The following ARHGEF28 variants were observed in gnomAD, a reference collection of about 807,000 sequenced individuals.
ARHGEF28 encodes the protein Rho guanine nucleotide exchange factor 28.
In ARHGEF28, 152 loss-of-function variants were observed where a neutral mutation model predicts 206.6. That is an observed-to-expected ratio of 0.74 (90% CI 0.64 to 0.84). ARHGEF28 has a LOEUF of 0.84. Among genes scored for constraint, ARHGEF28 ranks in the 40% least tolerant of loss-of-function variants. The probability of loss-of-function intolerance (pLI) is 0.00; values close to 1 mark genes in which losing one functional copy is unlikely to be tolerated. For synonymous variants in ARHGEF28, 763 were observed against 776.4 expected (o/e 0.98, Z 0.29); for missense variants, 2,028 against 2,073.2 (o/e 0.98, Z 0.42).
intron 1 of ARHGEF28, among the ~76,000 whole-genome samples, chr5:73,640,210 C>G (rs963620602): frequency 6.6e-6 from 1 of 152,200 alleles, no homozygotes; most frequent in Non-Finnish European, 1.5e-5. Flanking sequence ...TTGAAGGGAT[C>G]AGACAGGTAC....
intron 35 of ARHGEF28, among the ~76,000 whole-genome samples, chr5:73,929,563 C>T (rs2112014739): frequency 6.6e-6 from 1 of 152,244 alleles, no homozygotes. Context: ...TAGTTTAATA[C>T]ATTCTTTAAT....
chr5:73,889,199 T>G (rs1183070869), intron 26 of ARHGEF28, among the ~76,000 whole-genome samples: 1 of 152,226 alleles, frequency 6.6e-6, no homozygotes, highest in Non-Finnish European at 1.5e-5. Flanking sequence ...TTCCTCAAGC[T>G]AGTACAAGTG....
chr5:73,693,190 C>T (rs989042995), intron 2 of ARHGEF28, among the ~76,000 whole-genome samples: 3 of 152,128 alleles, frequency 2.0e-5, no homozygotes, highest in East Asian at 1.9e-4. Flanking sequence ...TGGGGTTTTC[C>T]GACCTTCACT....
intron 2 of ARHGEF28, among the ~76,000 whole-genome samples, chr5:73,723,142 T>C (rs896063014): frequency 6.6e-6 from 1 of 152,258 alleles, no homozygotes; most frequent in Non-Finnish European, 1.5e-5. Flanking sequence ...TCCTCTCTTA[T>C]CTTCTCCATA....
intron 6 of ARHGEF28, among the ~76,000 whole-genome samples, chr5:73,777,294 A>G (rs1753596387): frequency 6.6e-6 from 1 of 151,814 alleles, no homozygotes; most frequent in African/African-American, 2.4e-5. Context: ...GAATATTTCC[A>G]TCTTTTAATT....
At chr5:73,932,895 G>A (rs1580123615) in intron 35 of ARHGEF28, among the ~76,000 whole-genome samples, 1 of 134,986 alleles carries the variant, frequency 7.4e-6, no homozygotes, top group South Asian at 2.4e-4. Flanking sequence ...TGCAAGCTGC[G>A]CCTCCCGGGT....
chr5:73,822,919 A>C (rs1216831403), intron 9 of ARHGEF28, among the ~76,000 whole-genome samples: 1 of 152,170 alleles, frequency 6.6e-6, no homozygotes, highest in Admixed American at 6.5e-5. Flanking sequence ...GAGCCACTGC[A>C]CCCAGCTCAG....
chr5:73,877,472 T>C (rs1179465866), intron 22 of ARHGEF28, among the ~76,000 whole-genome samples: 2 of 141,928 alleles, frequency 1.4e-5, no homozygotes, highest in Non-Finnish European at 1.5e-5. Flanking sequence ...AGCTTTTGAA[T>C]GTGTTTGCTC....
In ARHGEF28 at chr5:73,776,716, A is replaced by G. The variant is rs756775508; in HGVS notation, c.840+20A>G. ...GTCAAGGTTTGTACATAGTGATTCT[A>G]GCATGTGATAATGCATGCTTCAGAG... On this transcript the variant is annotated intron_variant, in intron 6 of 35. Coordinates refer to ENST00000513042, the MANE Select transcript of ARHGEF28 (RefSeq NM_001177693.2). 6.3e-7 allele frequency: 1 copy of G among 1,585,258 alleles called. No homozygotes were observed. The highest frequency in any genetic ancestry group is 8.6e-7 in the Non-Finnish European group (1 of 1,161,146).
chr5:73,910,337 C>CG (rs1762820065), intron 34 of ARHGEF28, among the ~76,000 whole-genome samples: 1 of 136,754 alleles, frequency 7.3e-6, no homozygotes, highest in Non-Finnish European at 1.5e-5. Flanking sequence ...GCCGAGATCA[C>CG]GCCATTGCAC....
At chr5:73,691,438 G>C (rs1250940174) in intron 2 of ARHGEF28, among the ~76,000 whole-genome samples, 3 of 152,034 alleles carry the variant, frequency 2.0e-5, no homozygotes, top group Non-Finnish European at 2.9e-5. Flanking sequence ...CTAACCCTTA[G>C]AGTCATCTCC....
chr5:73,683,578 A>G (rs915000213), intron 1 of ARHGEF28, among the ~76,000 whole-genome samples: 2 of 151,994 alleles, frequency 1.3e-5, no homozygotes, highest in Non-Finnish European at 2.9e-5. Flanking sequence ...CTGTAGGTGT[A>G]TATCACATTT....
At chr5:73,789,458 A>G (rs1754337034) in intron 7 of ARHGEF28, among the ~76,000 whole-genome samples, 1 of 152,140 alleles carries the variant, frequency 6.6e-6, no homozygotes, top group South Asian at 2.1e-4. Flanking sequence ...GGGTTTTCTC[A>G]TTGGAGTGAT....
intron 2 of ARHGEF28, among the ~76,000 whole-genome samples, chr5:73,714,830 A>T (rs1169110319): frequency 6.6e-6 from 1 of 152,170 alleles, no homozygotes; most frequent in African/African-American, 2.4e-5. Flanking sequence ...CTCTCCAAAG[A>T]TAAACACCAT....
chr5:73,804,687 A>T (rs1755338078), intron 9 of ARHGEF28, among the ~76,000 whole-genome samples: 1 of 151,014 alleles, frequency 6.6e-6, no homozygotes, highest in Non-Finnish European at 1.5e-5. Context: ...ATGTCCCTTA[A>T]TTGGGTTTTT....
intron 2 of ARHGEF28, among the ~76,000 whole-genome samples, chr5:73,687,152 C>T (rs529964456): frequency 6.6e-6 from 1 of 152,120 alleles, no homozygotes; most frequent in Non-Finnish European, 1.5e-5. Context: ...AAAATGACTT[C>T]ACCATGATCT....
intron 16 of ARHGEF28, among the ~76,000 whole-genome samples, chr5:73,862,246 A>G (rs78711371): frequency 0.011 from 1,626 of 152,278 alleles, 15 homozygotes; most frequent in Non-Finnish European, 0.019. Flanking sequence ...ATTTAACCTT[A>G]ATCAACATAA....
chr5:73,795,666 G>A (rs1754758100), intron 9 of ARHGEF28: 2 of 333,502 alleles, frequency 6.0e-6, no homozygotes, highest in East Asian at 5.3e-5. Context: ...CTTGTCATAT[G>A]TTCCCTTGTT....
chr5:73,667,557 C>G (rs141462375), intron 1 of ARHGEF28, among the ~76,000 whole-genome samples: 1 of 152,326 alleles, frequency 6.6e-6, no homozygotes, highest in East Asian at 1.9e-4. Flanking sequence ...CTCCCATCAT[C>G]TTGATGAATA....
Sources: gnomAD v4.1 joint callset for allele counts (sites outside exome capture counted in the v4.1 genomes callset) on GRCh38, gnomAD v4.1.1 for gene constraint, MANE v1.5 for transcripts, NCBI Gene and HGNC (gene_info 2026-07-23, HGNC 2026-07-21) for gene names.